ITPR1: variants seen among roughly 807,000 people sequenced by gnomAD.
The protein encoded by ITPR1 is inositol 1,4,5-trisphosphate-gated calcium channel ITPR1.
A neutral mutation model predicts 318.4 loss-of-function variants in ITPR1; 96 were observed. That is an observed-to-expected ratio of 0.30 (90% CI 0.26 to 0.36). The LOEUF is 0.36. ITPR1 is among the 10% of genes least tolerant of loss of function. ITPR1 has a pLI of 1.00. For missense variants in ITPR1, 2,440 were observed against 3,460.2 expected (o/e 0.71, Z 7.40); for synonymous variants, 1,312 against 1,289.9 (o/e 1.02, Z -0.37).
intron 2 of ITPR1, among the ~76,000 whole-genome samples, chr3:4,507,375 A>G (rs1170484053): frequency 1.3e-5 from 2 of 152,226 alleles, no homozygotes; most frequent in African/African-American, 4.8e-5. Context: ...GGGTTGTGGC[A>G]TGGAACATTA....
intron 30 of ITPR1, 54 bp from the exon 31 acceptor site, chr3:4,688,441 A>G (rs1360490573): frequency 6.2e-6 from 10 of 1,605,906 alleles, no homozygotes; most frequent in Non-Finnish European, 8.5e-6. Context: ...GGTATAGGAG[A>G]AGCTGGTCTC....
At chr3:4,729,926 CTT>C (rs35734322) in intron 42 of ITPR1, among the ~76,000 whole-genome samples, 27,924 of 144,010 alleles carry the variant, frequency 0.19, 2,814 homozygotes, top group Non-Finnish European at 0.24. Context: ...TTTTAGAAGT[CTT>C]TTTTTTTTTT....
rs146067816 is a variant in ITPR1, at chr3:4,843,555, G to A, written c.8191-2584G>A. On this transcript the variant is annotated intron_variant, in intron 61 of 61. Transcript: ENST00000649015. ...GTCAGAAACTCTGTTTCTGATCTGT[G>A]TTTTAACAAATGTTCTGGGTGATTC... Among the ~76,000 whole-genome samples the A allele has an allele frequency of 2.0e-3, 311 of 152,320 alleles. 7 individuals are homozygous for A. The highest frequency in any genetic ancestry group is 0.02 in the East Asian group (102 of 5,188).
At chr3:4,739,773 G>T (rs2043563098) in intron 44 of ITPR1, among the ~76,000 whole-genome samples, 1 of 152,212 alleles carries the variant, frequency 6.6e-6, no homozygotes, top group African/African-American at 2.4e-5. Flanking sequence ...CTTTTGCTCT[G>T]TGTGATCTTG....
At position 4,645,178 on chromosome 3, in the gene ITPR1, A is replaced by G. The variant is rs2686606; in HGVS notation, c.625-209A>G. On this transcript the variant is annotated intron_variant, in intron 8 of 61. Transcript: ENST00000649015. ...CATTAGTCATGGTTGGAATGTGCAT[A>G]GTGATTGGTGCAAATGAACCATTTA... Among the ~76,000 whole-genome samples the G allele has an allele frequency of 0.83, 125,762 of 152,178 alleles. 52,461 individuals are homozygous for G. The highest frequency in any genetic ancestry group is 1 in the East Asian group (5,176 of 5,180).
chr3:4,716,297 C>G (rs59713853), intron 39 of ITPR1, among the ~76,000 whole-genome samples: 1 of 151,942 alleles, frequency 6.6e-6, no homozygotes, highest in Non-Finnish European at 1.5e-5. Context: ...AGCCCCTAGA[C>G]CCTGCTTGAG....
At position 4,537,999 on chromosome 3, in the gene ITPR1, G is replaced by A. The variant is rs981208952; in HGVS notation, c.163+16905G>A. Among the ~76,000 whole-genome samples the A allele has an allele frequency of 5.3e-5, 8 of 151,758 alleles. No individual in the cohort carries two copies. In the East Asian group the frequency reaches 5.8e-4, roughly 11 times the overall value. ...TTTTGGCTTTATTAATTCTTTCTAC[G>A]ATAGGTTGGTTTTGAAGTTCATTAA... On this transcript the variant is annotated intron_variant, in intron 4 of 61. Transcript: ENST00000649015.
intron 4 of ITPR1, among the ~76,000 whole-genome samples, chr3:4,549,698 A>T (rs532577076): frequency 1.3e-5 from 2 of 152,224 alleles, no homozygotes; most frequent in Admixed American, 1.3e-4. Context: ...TGGGTTCTTC[A>T]TCTTGGGTTT....
intron 2 of ITPR1, among the ~76,000 whole-genome samples, chr3:4,495,755 C>T (rs902160966): frequency 6.6e-6 from 1 of 152,170 alleles, no homozygotes; most frequent in Non-Finnish European, 1.5e-5. Flanking sequence ...ATCACTTGCC[C>T]AGTAGCTAGT....
chr3:4,551,183 A>G (rs967527204), intron 4 of ITPR1, among the ~76,000 whole-genome samples: 2 of 152,224 alleles, frequency 1.3e-5, no homozygotes, highest in South Asian at 2.1e-4. Flanking sequence ...CTTTTCTGCA[A>G]CATGTGTTTT....
chr3:4,612,720 C>G (rs1303404486), intron 4 of ITPR1, among the ~76,000 whole-genome samples: 1 of 152,056 alleles, frequency 6.6e-6, no homozygotes, highest in Non-Finnish European at 1.5e-5. Flanking sequence ...ACCCCCGTCT[C>G]TACTAAAAAT....
chr3:4,703,809 G>A (rs182579809), intron 36 of ITPR1, among the ~76,000 whole-genome samples: 3 of 152,266 alleles, frequency 2.0e-5, no homozygotes, highest in South Asian at 4.1e-4. Flanking sequence ...TCCTATGGTA[G>A]GTGTTGATGT....
rs866269216 is a variant in ITPR1, at chr3:4,801,637, G to A, written c.7107+1037G>A. ...AAATTAGCTGGGTTTGGTAGCATGC[G>A]CCTATAATCCTAGCTACTCGGGAGA... On this transcript the variant is annotated intron_variant, in intron 54 of 61. Coordinates refer to ENST00000649015, the MANE Select transcript of ITPR1 (RefSeq NM_001378452.1). Among the ~76,000 whole-genome samples, 8 of 152,154 alleles carry A rather than the reference G, an allele frequency of 5.3e-5. No individual in the cohort carries two copies. The South Asian group carries it at 6.2e-4, about 12-fold the overall frequency.
chr3:4,783,717 G>A (rs752241927), intron 50 of ITPR1, 99 bp from the exon 51 acceptor site: 41 of 985,982 alleles, frequency 4.2e-5, no homozygotes, highest in Non-Finnish European at 6.3e-5. Context: ...CTTGCTGCTG[G>A]TTATTATGCA....
chr3:4,842,057 A>T (rs1654556563), intron 61 of ITPR1, among the ~76,000 whole-genome samples: 3 of 152,238 alleles, frequency 2.0e-5, no homozygotes, highest in African/African-American at 7.2e-5. Flanking sequence ...ATAAACCAGA[A>T]ATGTGGCATT....
intron 46 of ITPR1, 70 bp downstream of exon 46, chr3:4,768,834 G>C: frequency 6.9e-7 from 1 of 1,449,334 alleles, no homozygotes. Context: ...TCCTCTGATG[G>C]TTCAGCACCT....
chr3:4,766,728 T>C lies in ITPR1; in HGVS notation c.5725+18T>C, dbSNP rs1197509563. On this transcript the variant is annotated intron_variant, in intron 45 of 61. Coordinates refer to ENST00000649015, the MANE Select transcript of ITPR1 (RefSeq NM_001378452.1). ...GAAAAAAGGTAAATGTTCCTCAGTC[T>C]TCAGTCAGCTGGATCATGAACACCA... 1 of 1,571,008 alleles carries C rather than the reference T, an allele frequency of 6.4e-7. No individual in the cohort carries two copies. The highest frequency in any genetic ancestry group is 8.6e-7 in the Non-Finnish European group (1 of 1,156,174).
chr3:4,800,943 T>C (rs1409729253), intron 54 of ITPR1, among the ~76,000 whole-genome samples: 1 of 152,090 alleles, frequency 6.6e-6, no homozygotes, highest in Non-Finnish European at 1.5e-5. Context: ...TTTTAGACAA[T>C]AAGTGAAATG....
chr3:4,653,762 C>A (rs559288839), intron 11 of ITPR1, 80 bp from the exon 12 acceptor site: 538 of 994,878 alleles, frequency 5.4e-4, no homozygotes, highest in Middle Eastern at 8.1e-4. Flanking sequence ...GTTTGCAGGC[C>A]TTGAAGTCTC....
Sources: allele counts gnomAD v4.1 joint callset (sites outside exome capture counted in the v4.1 genomes callset), GRCh38; gene constraint gnomAD v4.1.1; transcripts MANE v1.5; gene names NCBI Gene and HGNC (gene_info 2026-07-23, HGNC 2026-07-21).